GLRA3: variants seen among roughly 807,000 people sequenced by gnomAD.
GLRA3 encodes glycine receptor alpha 3, also known as glycine receptor subunit alpha-3.
GLRA3 carries 44 observed loss-of-function variants against 60.4 expected under a neutral mutation model. The ratio of observed to expected loss-of-function variants is 0.73; its 90% CI spans 0.57 to 0.94. The LOEUF (loss-of-function observed/expected upper bound fraction) is 0.94. Among genes scored for constraint, GLRA3 ranks in the 40% least tolerant of loss-of-function variants. The pLI, the probability that GLRA3 is intolerant of heterozygous loss-of-function variation, is 0.00. For synonymous variants in GLRA3, 223 were observed against 192.9 expected, an observed-to-expected ratio of 1.16 and a Z score of -1.29; for missense variants, 508 against 564.6, an observed-to-expected ratio of 0.90 and a Z score of 1.02.
chr4:174,698,939 A>G (rs567798125), intron 5 of GLRA3, among the ~76,000 whole-genome samples: 10 of 152,262 alleles, frequency 6.6e-5, no homozygotes, highest in Admixed American at 2.6e-4. Context: ...TTATTATTAT[A>G]TAATTTGCCA....
chr4:174,718,109 T>A (rs1735992111), intron 4 of GLRA3, among the ~76,000 whole-genome samples: 1 of 152,234 alleles, frequency 6.6e-6, no homozygotes, highest in Admixed American at 6.5e-5. Flanking sequence ...CGGTCATAAA[T>A]CATATCCTGA....
chr4:174,692,880 A>G (rs962066708), intron 5 of GLRA3, among the ~76,000 whole-genome samples: 1 of 151,012 alleles, frequency 6.6e-6, no homozygotes, highest in Non-Finnish European at 1.5e-5. Context: ...TCCCTCCACT[A>G]TTGTCCTGTG....
intron 9 of GLRA3, among the ~76,000 whole-genome samples, chr4:174,651,738 A>C (rs1733026872): frequency 2.0e-5 from 3 of 152,166 alleles, no homozygotes; most frequent in South Asian, 4.1e-4. Flanking sequence ...TTATTATTAC[A>C]ATACATGGGT....
rs111388335 is a variant in GLRA3 at position 174,734,202 on chromosome 4, C to T, written c.268-5504G>A. Reference sequence around the variant, plus strand: ...CTTTGTCAAATAATCAAGAATGAAGCTCAGACTTCTTACCAATGTCTCACT... The same window carrying T: ...CTTTGTCAAATAATCAAGAATGAAGTTCAGACTTCTTACCAATGTCTCACT... On this transcript the variant is annotated intron_variant, in intron 3 of 9. Transcript: ENST00000274093. 2.6e-3 allele frequency among the ~76,000 whole-genome samples: 403 copies of T among 152,296 alleles called. 4 individuals carry two copies. Among genetic ancestry groups the T allele is most frequent in the African/African-American group, 9.3e-3 (388 of 41,566 alleles).
At chr4:174,714,863 G>A (rs530873815) in intron 5 of GLRA3, among the ~76,000 whole-genome samples, 7 of 152,184 alleles carry the variant, frequency 4.6e-5, no homozygotes, top group African/African-American at 1.2e-4. Flanking sequence ...AGGCATATGG[G>A]TCTACTTTGA....
chr4:174,663,756 A>G (rs889804255), intron 7 of GLRA3, among the ~76,000 whole-genome samples: 1 of 152,144 alleles, frequency 6.6e-6, no homozygotes, highest in African/African-American at 2.4e-5. Context: ...TCTTACTTCA[A>G]TGCATTCACA....
chr4:174,735,750 T>G (rs1039769592), intron 3 of GLRA3, among the ~76,000 whole-genome samples: 7 of 152,040 alleles, frequency 4.6e-5, no homozygotes, highest in African/African-American at 1.4e-4. Context: ...TTAGCAGAGA[T>G]GGGGTTCCGT....
intron 1 of GLRA3, among the ~76,000 whole-genome samples, chr4:174,811,715 A>G (rs527397734): frequency 1.2e-4 from 19 of 152,316 alleles, no homozygotes; most frequent in Admixed American, 9.8e-4. Flanking sequence ...CAAATAACAC[A>G]ACTATGTTGC....
At chr4:174,764,633 T>A (rs1367732193) in intron 3 of GLRA3, among the ~76,000 whole-genome samples, 1 of 151,462 alleles carries the variant, frequency 6.6e-6, no homozygotes, top group Non-Finnish European at 1.5e-5. Context: ...TTAACACATA[T>A]ATTAGCATTT....
chr4:174,730,680 T>A (rs1398014882), intron 3 of GLRA3, among the ~76,000 whole-genome samples: 1 of 152,200 alleles, frequency 6.6e-6, no homozygotes, highest in East Asian at 1.9e-4. Context: ...GGGAACACTT[T>A]TTGCTCCAAA....
At chr4:174,785,042 C>G (rs1039181941) in intron 2 of GLRA3, among the ~76,000 whole-genome samples, 3 of 152,086 alleles carry the variant, frequency 2.0e-5, no homozygotes, top group Admixed American at 1.3e-4. Context: ...AAGAGGCTGT[C>G]TTATCCATGG....
At chr4:174,714,325 T>C (rs987928472) in intron 5 of GLRA3, among the ~76,000 whole-genome samples, 2 of 152,174 alleles carry the variant, frequency 1.3e-5, no homozygotes, top group African/African-American at 4.8e-5. Flanking sequence ...ATTGCCCTTC[T>C]TCAATTTCAA....
Position 174,829,036 on chromosome 4 carries a change from G to A in GLRA3, c.-225C>T. 2 of 475,982 alleles carry A rather than the reference G, an allele frequency of 4.2e-6. No individual in the cohort carries two copies. The highest frequency in any genetic ancestry group is 3.8e-6 in the Non-Finnish European group (1 of 265,100). 29.5% of individuals were successfully genotyped at this position (475,982 alleles called of 1,614,324 possible). On this transcript the variant is annotated 5_prime_UTR_variant, in exon 1 of 10. Coordinates refer to ENST00000274093, the MANE Select transcript of GLRA3 (RefSeq NM_006529.4). ...TATAAATGTGCAGGTGATTTTTACA[G>A]TGAAATTACAAAAATGAGTGAGATG...
At chr4:174,768,284 G>T (rs1180261122) in intron 2 of GLRA3, among the ~76,000 whole-genome samples, 1 of 152,052 alleles carries the variant, frequency 6.6e-6, no homozygotes, top group Non-Finnish European at 1.5e-5. Context: ...AAATTCATCA[G>T]TTTTTCTTGA....
At chr4:174,766,024 C>T (rs1460292072) in intron 3 of GLRA3, among the ~76,000 whole-genome samples, 1 of 151,664 alleles carries the variant, frequency 6.6e-6, no homozygotes, top group African/African-American at 2.4e-5. Flanking sequence ...CACCTCTACA[C>T]ACACTTACAC....
chr4:174,722,462 T>A (rs1359205384), intron 4 of GLRA3, among the ~76,000 whole-genome samples: 1 of 152,184 alleles, frequency 6.6e-6, no homozygotes, highest in African/African-American at 2.4e-5. Context: ...TATTAATTAT[T>A]CTCTTCCTTT....
intron 3 of GLRA3, among the ~76,000 whole-genome samples, chr4:174,748,709 G>A (rs780719311): frequency 1.6e-4 from 24 of 152,042 alleles, no homozygotes; most frequent in Non-Finnish European, 7.4e-5. Flanking sequence ...CTTGTGTTCC[G>A]GTCTCTACGT....
intron 2 of GLRA3, among the ~76,000 whole-genome samples, chr4:174,788,508 T>A (rs1739202490): frequency 7.2e-6 from 1 of 138,888 alleles, no homozygotes. Flanking sequence ...ACTGATAGAA[T>A]AATTAAATAA....
chr4:174,760,731 G>C (rs1737907962), intron 3 of GLRA3, among the ~76,000 whole-genome samples: 1 of 152,072 alleles, frequency 6.6e-6, no homozygotes, highest in Non-Finnish European at 1.5e-5. Context: ...TGTTGGCCAG[G>C]CTGGTCTTGA....
Sources: gnomAD v4.1 joint callset for allele counts (sites outside exome capture counted in the v4.1 genomes callset) on GRCh38, gnomAD v4.1.1 for gene constraint, MANE v1.5 for transcripts, NCBI Gene and HGNC (gene_info 2026-07-23, HGNC 2026-07-21) for gene names.